Variants in BTBD9 observed in about 807,000 individuals in gnomAD.
BTBD9 encodes the protein BTB/POZ domain-containing protein 9.
A neutral mutation model predicts 64.3 loss-of-function variants in BTBD9; 49 were observed. The ratio of observed to expected loss-of-function variants is 0.76; its 90% CI spans 0.61 to 0.97. The LOEUF (loss-of-function observed/expected upper bound fraction) is 0.97, where lower values mean the gene tolerates loss of function less well. Among genes scored for constraint, BTBD9 ranks in the 50% least tolerant of loss-of-function variants. The pLI, the probability that BTBD9 is intolerant of heterozygous loss-of-function variation, is 0.00. For missense variants in BTBD9, 598 were observed against 762.1 expected (o/e 0.78, Z 2.53); for synonymous variants, 260 against 274.7 (o/e 0.95, Z 0.53).
intron 1 of BTBD9, among the ~76,000 whole-genome samples, chr6:38,633,603 T>C (rs1778432086): frequency 6.6e-6 from 1 of 152,204 alleles, no homozygotes; most frequent in Non-Finnish European, 1.5e-5. Flanking sequence ...GAGGTTAATG[T>C]GGACTTATGA....
At chr6:38,361,032 G>A (rs1764932568) in intron 6 of BTBD9, among the ~76,000 whole-genome samples, 1 of 152,144 alleles carries the variant, frequency 6.6e-6, no homozygotes, top group Admixed American at 6.5e-5. Context: ...CTCCTTGGGT[G>A]CCTCTGTGAA....
At chr6:38,485,471 C>T (rs1197129095) in intron 6 of BTBD9, among the ~76,000 whole-genome samples, 94 of 152,184 alleles carry the variant, frequency 6.2e-4, no homozygotes, top group Admixed American at 6.5e-5. Flanking sequence ...CCTTGATCCA[C>T]GGGCTGCAGA....
At position 38,400,917 on chromosome 6, in the gene BTBD9, TCC is replaced by T. The variant is rs1374488236; in HGVS notation, c.1155-55826_1155-55825del. The stretch of plus-strand genomic sequence containing the variant: ...TCTCCTATTCCTTCTGCTACAGTGC[TCC>T]TTCCCCCACTTTAAACCAGGCTAAT... On this transcript the variant is annotated intron_variant, in intron 6 of 10. Transcript: ENST00000481247. Among the ~76,000 whole-genome samples the T allele has an allele frequency of 3.3e-5, 5 of 152,348 alleles. No individual in the cohort carries two copies. In the East Asian group the frequency reaches 9.6e-4, roughly 29 times the overall value.
At chr6:38,280,075 T>C (rs1279749504) in intron 8 of BTBD9, among the ~76,000 whole-genome samples, 2 of 152,226 alleles carry the variant, frequency 1.3e-5, no homozygotes, top group African/African-American at 4.8e-5. Context: ...GTGCTCCTCC[T>C]GTATTTTTAA....
intron 9 of BTBD9, among the ~76,000 whole-genome samples, chr6:38,231,063 G>A (rs1763589921): frequency 6.6e-6 from 1 of 152,172 alleles, no homozygotes; most frequent in Non-Finnish European, 1.5e-5. Flanking sequence ...GTTGAATGGT[G>A]AGAATTATAG....
intron 6 of BTBD9, among the ~76,000 whole-genome samples, chr6:38,420,022 G>A (rs1259550504): frequency 1.3e-5 from 2 of 151,774 alleles, no homozygotes; most frequent in Admixed American, 6.6e-5. Flanking sequence ...TTTATCCCAA[G>A]GTACTCATAA....
chr6:38,277,279 G>A (rs1393970457), intron 8 of BTBD9, among the ~76,000 whole-genome samples: 1 of 151,806 alleles, frequency 6.6e-6, no homozygotes, highest in Non-Finnish European at 1.5e-5. Context: ...AATCAATGAA[G>A]CCTCTCATTT....
At chr6:38,373,257 T>G (rs13202609) in intron 6 of BTBD9, among the ~76,000 whole-genome samples, 1 of 152,230 alleles carries the variant, frequency 6.6e-6, no homozygotes, top group African/African-American at 2.4e-5. Flanking sequence ...TCAAGTAGTA[T>G]TATAAATAAT....
chr6:38,624,629 A>G (rs1778110003), intron 1 of BTBD9, among the ~76,000 whole-genome samples: 1 of 152,108 alleles, frequency 6.6e-6, no homozygotes, highest in Non-Finnish European at 1.5e-5. Context: ...ATAGAAATAC[A>G]TTATGCAACA....
chr6:38,577,777 C>T (rs1477461000), intron 5 of BTBD9, 58 bp from the exon 6 acceptor site: 33 of 1,482,458 alleles, frequency 2.2e-5, no homozygotes, highest in African/African-American at 2.0e-4. Context: ...CAATACAAAG[C>T]TGTACTTTAA....
At chr6:38,309,333 C>T (rs2127569528) in intron 7 of BTBD9, among the ~76,000 whole-genome samples, 1 of 151,784 alleles carries the variant, frequency 6.6e-6, no homozygotes, top group Admixed American at 6.6e-5. Flanking sequence ...CATACCATTG[C>T]ACTCTGGCCT....
At chr6:38,468,680 C>T (rs1562228891) in intron 6 of BTBD9, among the ~76,000 whole-genome samples, 1 of 152,136 alleles carries the variant, frequency 6.6e-6, no homozygotes, top group Non-Finnish European at 1.5e-5. Flanking sequence ...CTAGGATAGT[C>T]CTTTAAAATT....
At chr6:38,407,945 T>C (rs1767242827) in intron 6 of BTBD9, among the ~76,000 whole-genome samples, 1 of 152,214 alleles carries the variant, frequency 6.6e-6, no homozygotes, top group Non-Finnish European at 1.5e-5. Flanking sequence ...GAAAGCTGTT[T>C]TTGCTTTCTT....
intron 6 of BTBD9, among the ~76,000 whole-genome samples, chr6:38,527,490 G>T (rs1195789385): frequency 6.6e-6 from 1 of 152,024 alleles, no homozygotes; most frequent in African/African-American, 2.4e-5. Context: ...GAGTTCTCAC[G>T]AGAGGTGATC....
intron 5 of BTBD9, 36 bp from the exon 6 acceptor site, chr6:38,577,755 C>A: frequency 6.3e-7 from 1 of 1,578,058 alleles, no homozygotes; most frequent in Non-Finnish European, 8.6e-7. Flanking sequence ...AAAAAATTAC[C>A]ACATTAAAAA....
chr6:38,437,278 C>T (rs949373520), intron 6 of BTBD9, among the ~76,000 whole-genome samples: 5 of 152,112 alleles, frequency 3.3e-5, no homozygotes, highest in Non-Finnish European at 4.4e-5. Context: ...GGGAGGGTCA[C>T]GGCAGCTGGT....
intron 6 of BTBD9, among the ~76,000 whole-genome samples, chr6:38,574,001 T>A (rs1306628909): frequency 6.6e-6 from 1 of 152,172 alleles, no homozygotes; most frequent in Non-Finnish European, 1.5e-5. Context: ...AGACATAACA[T>A]GGTTCTCAAG....
chr6:38,196,629 T>C (rs1300597067), intron 9 of BTBD9, among the ~76,000 whole-genome samples: 1 of 152,206 alleles, frequency 6.6e-6, no homozygotes, highest in East Asian at 1.9e-4. Context: ...CGGCTGGGTG[T>C]TATGGAGGAC....
intron 7 of BTBD9, among the ~76,000 whole-genome samples, chr6:38,324,659 T>A (rs886401026): frequency 6.6e-6 from 1 of 152,174 alleles, no homozygotes; most frequent in Non-Finnish European, 1.5e-5. Flanking sequence ...ATGGCCTTCA[T>A]AATGGCAAAG....
Sources: allele counts gnomAD v4.1 joint callset (sites outside exome capture counted in the v4.1 genomes callset), GRCh38; gene constraint gnomAD v4.1.1; transcripts MANE v1.5; gene names NCBI Gene and HGNC (gene_info 2026-07-23, HGNC 2026-07-21).